ULK4: variants seen among roughly 807,000 people sequenced by gnomAD.
ULK4 encodes the protein unc-51 like kinase 4, also known as inactive serine/threonine-protein kinase ULK4.
ULK4 carries 133 observed loss-of-function variants against 160.6 expected under a neutral mutation model. The observed-to-expected ratio is 0.83, with a 90% CI of 0.72 to 0.96. The LOEUF is 0.96. ULK4 is among the 40% of genes least tolerant of loss of function. ULK4 has a pLI of 0.00. For synonymous variants in ULK4, 534 were observed against 539.8 expected (o/e 0.99, Z 0.15); for missense variants, 1,580 against 1,499.5 (o/e 1.05, Z -0.89).
chr3:41,704,473 T>C (rs1174492401), intron 27 of ULK4, among the ~76,000 whole-genome samples: 1 of 152,190 alleles, frequency 6.6e-6, no homozygotes, highest in African/African-American at 2.4e-5. Context: ...CTGGGGACCT[T>C]TCTGCAGAAA....
chr3:41,911,847 G>GTAGTCCCTCAAGATCCAGGCT (rs1698798556), intron 9 of ULK4, among the ~76,000 whole-genome samples, 188 bp from the exon 10 acceptor site: 1 of 152,186 alleles, frequency 6.6e-6, no homozygotes, highest in Non-Finnish European at 1.5e-5. Context: ...CTACGTCACT[G>GTAGTCCCTCAAGATCCAGGCT]TAGTCCCTCA....
chr3:41,282,337 G>A (rs1337827155), intron 35 of ULK4, among the ~76,000 whole-genome samples: 2 of 152,158 alleles, frequency 1.3e-5, no homozygotes, highest in Non-Finnish European at 2.9e-5. Flanking sequence ...AGCCTGCATT[G>A]CCAAGATAAT....
At chr3:41,298,998 C>T (rs9814203) in intron 35 of ULK4, among the ~76,000 whole-genome samples, 23,602 of 152,190 alleles carry the variant, frequency 0.16, 2,191 homozygotes, top group African/African-American at 0.25. Flanking sequence ...CCAGCATCCA[C>T]ACCTCTGACA....
At chr3:41,295,834 C>T (rs1049133130) in intron 35 of ULK4, among the ~76,000 whole-genome samples, 1 of 152,210 alleles carries the variant, frequency 6.6e-6, no homozygotes, top group African/African-American at 2.4e-5. Flanking sequence ...GGTAAGAATG[C>T]AAAACGGTCC....
At position 41,800,328 on chromosome 3, in the gene ULK4, G is replaced by A. The variant is rs534967642; in HGVS notation, c.1849-35C>T. The A allele has an allele frequency of 7.7e-6, 12 of 1,560,904 alleles. 1 individual carries two copies. In the Admixed American group the frequency reaches 1.1e-4, roughly 15 times the overall value. On this transcript the variant is annotated intron_variant, in intron 19 of 36. Transcript: ENST00000301831. ...AAGGAGATTAAAATAATATTAGTGT[G>A]AGAAATAAATACATGTTATTTCTTT...
At chr3:41,282,320 A>G (rs1486524232) in intron 35 of ULK4, among the ~76,000 whole-genome samples, 4 of 152,224 alleles carry the variant, frequency 2.6e-5, no homozygotes, top group Non-Finnish European at 4.4e-5. Context: ...ATATGGAACC[A>G]AAAAAGAGCC....
intron 32 of ULK4, among the ~76,000 whole-genome samples, chr3:41,509,612 G>GT (rs1444061204): frequency 6.6e-6 from 1 of 152,140 alleles, no homozygotes; most frequent in Admixed American, 6.5e-5. Flanking sequence ...AACTATTACA[G>GT]TAACAACAGA....
At chr3:41,804,056 G>A (rs956792108) in intron 19 of ULK4, among the ~76,000 whole-genome samples, 2 of 151,944 alleles carry the variant, frequency 1.3e-5, no homozygotes, top group African/African-American at 4.9e-5. Flanking sequence ...CTCAGGAATT[G>A]CCACACTGAC....
chr3:41,363,799 T>C (rs958701154), intron 35 of ULK4, among the ~76,000 whole-genome samples: 33 of 152,220 alleles, frequency 2.2e-4, no homozygotes, highest in Non-Finnish European at 4.6e-4. Flanking sequence ...GACAAACACT[T>C]TGAATATCTA....
intron 29 of ULK4, among the ~76,000 whole-genome samples, chr3:41,679,626 C>T (rs1215047121): frequency 6.6e-6 from 1 of 152,068 alleles, no homozygotes; most frequent in African/African-American, 2.4e-5. Flanking sequence ...ATATTTATTC[C>T]AGCTCAAATG....
intron 20 of ULK4, among the ~76,000 whole-genome samples, chr3:41,790,353 G>T (rs1273371952): frequency 6.6e-6 from 1 of 152,134 alleles, no homozygotes; most frequent in African/African-American, 2.4e-5. Context: ...CTTGCCCAAA[G>T]GCATATAGCT....
intron 32 of ULK4, among the ~76,000 whole-genome samples, chr3:41,482,699 T>A (rs1440375019): frequency 6.6e-6 from 1 of 152,204 alleles, no homozygotes; most frequent in Non-Finnish European, 1.5e-5. Context: ...ACATTTTCAC[T>A]CCCTTTTCCC....
At chr3:41,805,515 A>G (rs1025516665) in intron 19 of ULK4, among the ~76,000 whole-genome samples, 2 of 151,910 alleles carry the variant, frequency 1.3e-5, no homozygotes, top group Non-Finnish European at 2.9e-5. Context: ...AACTTCCAAC[A>G]CTATGTTGAA....
intron 18 of ULK4, among the ~76,000 whole-genome samples, chr3:41,822,424 G>A (rs924401374): frequency 6.6e-6 from 1 of 151,950 alleles, no homozygotes; most frequent in South Asian, 2.1e-4. Flanking sequence ...CGTTCGTTTC[G>A]TTTTGTTTTT....
chr3:41,364,964 T>TG (rs1421357181), intron 35 of ULK4, among the ~76,000 whole-genome samples: 1 of 152,086 alleles, frequency 6.6e-6, no homozygotes, highest in African/African-American at 2.4e-5. Flanking sequence ...AGGCAAGGGG[T>TG]GGGGCCTGAG....
At chr3:41,719,960 C>T (rs1354928348) in intron 22 of ULK4, among the ~76,000 whole-genome samples, 2 of 152,164 alleles carry the variant, frequency 1.3e-5, no homozygotes, top group African/African-American at 4.8e-5. Context: ...CCTCCCCATG[C>T]AACAAGCTAC....
chr3:41,922,588 C>G (rs1284416321), intron 5 of ULK4, among the ~76,000 whole-genome samples: 3 of 113,876 alleles, frequency 2.6e-5, no homozygotes, highest in African/African-American at 1.1e-4. Context: ...TGCTGGAACA[C>G]AAAGCCAAAG....
intron 5 of ULK4, among the ~76,000 whole-genome samples, chr3:41,920,202 T>C (rs545605732): frequency 4.6e-5 from 7 of 152,318 alleles, no homozygotes; most frequent in African/African-American, 1.4e-4. Flanking sequence ...CTGATCCTCA[T>C]AGTCACTCAA....
intron 36 of ULK4, among the ~76,000 whole-genome samples, chr3:41,248,895 C>G (rs1265918671): frequency 6.6e-6 from 1 of 152,226 alleles, no homozygotes; most frequent in Non-Finnish European, 1.5e-5. Flanking sequence ...CTAGGATGTT[C>G]TAGACACACT....
Sources: gnomAD v4.1 joint callset for allele counts (sites outside exome capture counted in the v4.1 genomes callset) on GRCh38, gnomAD v4.1.1 for gene constraint, MANE v1.5 for transcripts, NCBI Gene and HGNC (gene_info 2026-07-23, HGNC 2026-07-21) for gene names.